Variants in ROCK2 observed in about 807,000 individuals in gnomAD.
ROCK2 encodes the protein Rho associated coiled-coil containing protein kinase 2.
A neutral mutation model predicts 195.1 loss-of-function variants in ROCK2; 61 were observed. The observed-to-expected ratio is 0.31, with a 90% CI of 0.25 to 0.39. ROCK2 has a LOEUF of 0.39. Among genes scored for constraint, ROCK2 ranks in the 10% least tolerant of loss-of-function variants. The pLI, the probability that ROCK2 is intolerant of heterozygous loss-of-function variation, is 1.00. For synonymous variants in ROCK2, 504 were observed against 545.5 expected (o/e 0.92, Z 1.06); for missense variants, 1,109 against 1,637.4 (o/e 0.68, Z 5.57).
chr2:11,214,717 T>C (rs1478808528), intron 16 of ROCK2, 123 bp downstream of exon 16: 9 of 918,812 alleles, frequency 9.8e-6, no homozygotes, highest in African/African-American at 3.3e-5. Context: ...GTATTTCTAA[T>C]ATTCTAACTT....
At chr2:11,325,930 A>T (rs1047536046) in intron 1 of ROCK2, among the ~76,000 whole-genome samples, 2 of 152,236 alleles carry the variant, frequency 1.3e-5, no homozygotes, top group Non-Finnish European at 2.9e-5. Context: ...ATGTGAGGTC[A>T]AAGATAACAG....
chr2:11,185,256 G>GT (rs1383369723), intron 32 of ROCK2, among the ~76,000 whole-genome samples: 1 of 152,168 alleles, frequency 6.6e-6, no homozygotes, highest in African/African-American at 2.4e-5. Context: ...CCTGCTCAAT[G>GT]TGTCACCAAG....
intron 19 of ROCK2, 63 bp from the exon 20 acceptor site, chr2:11,207,973 G>A (rs1664114021): frequency 5.6e-6 from 7 of 1,249,332 alleles, no homozygotes; most frequent in Admixed American, 5.6e-5. Flanking sequence ...AATCAATGAA[G>A]TTGGTATAAA....
At chr2:11,321,217 C>T (rs1255211846) in intron 1 of ROCK2, among the ~76,000 whole-genome samples, 5 of 152,134 alleles carry the variant, frequency 3.3e-5, no homozygotes, top group Non-Finnish European at 7.4e-5. Flanking sequence ...ACTCTGTCAT[C>T]CAGGCTGAAG....
At chr2:11,285,992 T>G (rs1205343123) in intron 3 of ROCK2, among the ~76,000 whole-genome samples, 1 of 151,660 alleles carries the variant, frequency 6.6e-6, no homozygotes, top group Admixed American at 6.6e-5. Flanking sequence ...AGAAGAGAAT[T>G]TGACTCTAAT....
intron 1 of ROCK2, among the ~76,000 whole-genome samples, chr2:11,303,649 T>C (rs1667772309): frequency 6.6e-6 from 1 of 152,176 alleles, no homozygotes; most frequent in Non-Finnish European, 1.5e-5. Context: ...CCCATACAGC[T>C]GCCATTTCAA....
chr2:11,332,435 AAAAC>A (rs1335376488), intron 1 of ROCK2, among the ~76,000 whole-genome samples: 1 of 152,206 alleles, frequency 6.6e-6, no homozygotes, highest in Non-Finnish European at 1.5e-5. Context: ...CATAAAAACA[AAAAC>A]AACTTAAATA....
intron 1 of ROCK2, among the ~76,000 whole-genome samples, chr2:11,323,114 T>C (rs1668448651): frequency 6.6e-6 from 1 of 152,236 alleles, no homozygotes; most frequent in Non-Finnish European, 1.5e-5. Context: ...AAACATTTAA[T>C]ATTATTAATT....
rs10197648 is a variant in ROCK2 at position 11,235,045 on chromosome 2, T to C, written c.723+657A>G. ...TCGACTCCTAGGACCAACAGGGTAA[T>C]ACAAAGGAAACAGAACCGATCCCTC... On this transcript the variant is annotated intron_variant, in intron 5 of 32. Transcript: ENST00000315872. This position sits in a 1 kb window ranked among gnomAD's most constrained non-coding sequence, Gnocchi z 4.2. Among the ~76,000 whole-genome samples the C allele has an allele frequency of 1.4e-3, 218 of 152,234 alleles. No homozygotes were observed. Among genetic ancestry groups the C allele is most frequent in the African/African-American group, 5.0e-3 (206 of 41,542 alleles).
Position 11,332,196 on chromosome 2 carries a change from C to G in ROCK2, c.141+11800G>C, listed in dbSNP as rs896924453. On this transcript the variant is annotated intron_variant, in intron 1 of 32. Transcript: ENST00000315872. ...ATAAAAAAGAGCCTACACAGATCAGCAAGACTCATTCATTCCTTGGAAACA... is the reference window on the plus strand; with the variant it reads ...ATAAAAAAGAGCCTACACAGATCAGGAAGACTCATTCATTCCTTGGAAACA... 5.3e-5 allele frequency among the ~76,000 whole-genome samples: 8 copies of G among 151,968 alleles called. No homozygotes were observed. In the East Asian group the frequency reaches 1.5e-3, roughly 29 times the overall value.
intron 4 of ROCK2, among the ~76,000 whole-genome samples, chr2:11,236,786 A>C (rs1665221863): frequency 6.6e-6 from 1 of 152,208 alleles, no homozygotes; most frequent in Non-Finnish European, 1.5e-5. Context: ...GAAATAGAGA[A>C]AACAGCAATT....
intron 3 of ROCK2, among the ~76,000 whole-genome samples, chr2:11,282,071 T>C (rs747786901): frequency 6.6e-5 from 10 of 152,118 alleles, no homozygotes; most frequent in Non-Finnish European, 1.5e-4. Flanking sequence ...TAAAGAACAG[T>C]CAGGTGCAGT....
At chr2:11,236,865 A>C (rs1665224994) in intron 4 of ROCK2, among the ~76,000 whole-genome samples, 1 of 152,168 alleles carries the variant, frequency 6.6e-6, no homozygotes, top group East Asian at 1.9e-4. Context: ...AAAAATGTAA[A>C]ATCAACCAGG....
intron 3 of ROCK2, among the ~76,000 whole-genome samples, chr2:11,254,727 T>TAAAAAAAAAAAAAAAAAAAAAAAAAA (rs10640683): frequency 2.6e-5 from 1 of 39,126 alleles, no homozygotes; most frequent in Non-Finnish European, 4.4e-5. Context: ...CCCTGTCTCT[T>TAAAAAAAAAAAAAAAAAAAAAAAAAA]AAAAAAAAAA....
intron 1 of ROCK2, among the ~76,000 whole-genome samples, chr2:11,305,085 G>A (rs1042849043): frequency 3.3e-5 from 5 of 152,244 alleles, no homozygotes; most frequent in African/African-American, 1.2e-4. Context: ...TTATATAAAA[G>A]ATACAGGGGG....
intron 9 of ROCK2, among the ~76,000 whole-genome samples, chr2:11,220,932 C>A (rs984147707): frequency 6.6e-6 from 1 of 152,114 alleles, no homozygotes; most frequent in Non-Finnish European, 1.5e-5. Flanking sequence ...ATATCCTTCA[C>A]GAGATGACAA....
intron 16 of ROCK2, 73 bp from the exon 17 acceptor site, chr2:11,214,536 G>A: frequency 1.2e-6 from 1 of 867,528 alleles, no homozygotes; most frequent in African/African-American, 1.7e-5. Flanking sequence ...TAAAAAGTTT[G>A]CAAGCCACCT....
intron 1 of ROCK2, among the ~76,000 whole-genome samples, chr2:11,309,894 C>T (rs35844125): frequency 0.25 from 37,561 of 151,720 alleles, 5,346 homozygotes; most frequent in East Asian, 0.54. Context: ...GGTGGGAAGA[C>T]GGTTTGAGCC....
chr2:11,345,105 A>G (rs56211149), upstream of ROCK2, among the ~76,000 whole-genome samples: 64,593 of 151,862 alleles, frequency 0.43, 14,549 homozygotes, highest in Admixed American at 0.53. Flanking sequence ...AATAATAGCG[A>G]CCGAGCTCGG....
Sources: gnomAD v4.1 joint callset for allele counts (sites outside exome capture counted in the v4.1 genomes callset) on GRCh38, gnomAD v4.1.1 for gene constraint, Gnocchi (gnomAD v3.1) non-coding constraint, MANE v1.5 for transcripts, NCBI Gene and HGNC (gene_info 2026-07-23, HGNC 2026-07-21) for gene names.